MAGI1: variants seen among roughly 807,000 people sequenced by gnomAD.
MAGI1 encodes the protein membrane-associated guanylate kinase, WW and PDZ domain-containing protein 1.
A neutral mutation model predicts 139.9 loss-of-function variants in MAGI1; 58 were observed. That is an observed-to-expected ratio of 0.41 (90% CI 0.34 to 0.52). MAGI1 has a LOEUF of 0.52. MAGI1 is among the 20% of genes least tolerant of loss of function. The pLI is 0.12. For synonymous variants in MAGI1, 812 were observed against 737.9 expected, an observed-to-expected ratio of 1.10 and a Z score of -1.63; for missense variants, 1,874 against 1,901.6, an observed-to-expected ratio of 0.99 and a Z score of 0.27.
Position 65,426,402 on chromosome 3 carries a change from T to TA in MAGI1, c.2167+3117dup, listed in dbSNP as rs562603164. Among the ~76,000 whole-genome samples the TA allele has an allele frequency of 1.0e-3, 152 of 152,168 alleles. 1 individual carries two copies. Among genetic ancestry groups the TA allele is most frequent in the African/African-American group, 3.6e-3 (150 of 41,512 alleles). ...AAAACGAGCTCTAGAGATGAGGAATTAAAATGGGTGCTACAAACATAGCAG... is the reference window on the plus strand; with the variant it reads ...AAAACGAGCTCTAGAGATGAGGAATTAAAAATGGGTGCTACAAACATAGCAG... On this transcript the variant is annotated intron_variant, in intron 12 of 22. Transcript: ENST00000402939.
intron 1 of MAGI1, among the ~76,000 whole-genome samples, chr3:65,981,765 A>AT (rs1408088135): frequency 6.6e-6 from 1 of 151,888 alleles, no homozygotes. Context: ...CTCGGTTCTT[A>AT]TTTTTTCCTT....
chr3:65,515,508 T>G (rs538055811), intron 2 of MAGI1, among the ~76,000 whole-genome samples: 1 of 152,164 alleles, frequency 6.6e-6, no homozygotes, highest in East Asian at 1.9e-4. Context: ...CCATGGAAAA[T>G]ATAAAATTCA....
chr3:65,519,314 A>G (rs894336706), intron 2 of MAGI1, among the ~76,000 whole-genome samples: 7 of 151,088 alleles, frequency 4.6e-5, no homozygotes, highest in Non-Finnish European at 8.8e-5. Flanking sequence ...GAAAGTTTTC[A>G]TCACAGGAGT....
At chr3:65,875,145 A>T (rs1411298620) in intron 1 of MAGI1, 1 of 152,656 alleles carries the variant, frequency 6.6e-6, no homozygotes, top group Non-Finnish European at 1.5e-5. Flanking sequence ...AGCCAGTCAC[A>T]AAAGACCTCA....
At chr3:65,618,346 T>A (rs868811060) in intron 2 of MAGI1, among the ~76,000 whole-genome samples, 2 of 152,126 alleles carry the variant, frequency 1.3e-5, no homozygotes, top group African/African-American at 4.8e-5. Context: ...AAAGATCTAA[T>A]GGAAAATAAG....
intron 1 of MAGI1, among the ~76,000 whole-genome samples, chr3:65,919,505 T>G (rs969678894): frequency 2.6e-5 from 4 of 151,810 alleles, no homozygotes; most frequent in African/African-American, 9.7e-5. Context: ...GAGGCTGTAG[T>G]GAGCTACAGT....
intron 2 of MAGI1, among the ~76,000 whole-genome samples, chr3:65,498,109 C>T (rs1952578864): frequency 6.6e-6 from 1 of 152,096 alleles, no homozygotes; most frequent in Admixed American, 6.5e-5. Context: ...TGGCAGGCTG[C>T]TGGCTGGACA....
At chr3:65,757,149 G>T (rs948326955) in intron 1 of MAGI1, among the ~76,000 whole-genome samples, 2 of 152,108 alleles carry the variant, frequency 1.3e-5, no homozygotes, top group African/African-American at 4.8e-5. Flanking sequence ...AACTTGGAGA[G>T]AAAAATATAT....
chr3:65,931,937 T>C (rs187568031), intron 1 of MAGI1, among the ~76,000 whole-genome samples: 9 of 152,304 alleles, frequency 5.9e-5, no homozygotes, highest in Admixed American at 2.0e-4. Context: ...CTGCTCTCCA[T>C]TGTAATACTA....
intron 12 of MAGI1, among the ~76,000 whole-genome samples, chr3:65,405,640 G>A (rs1945272405): frequency 6.6e-6 from 1 of 151,956 alleles, no homozygotes; most frequent in Non-Finnish European, 1.5e-5. Flanking sequence ...TGTTGCCCAG[G>A]CTGGAGTACA....
intron 18 of MAGI1, among the ~76,000 whole-genome samples, chr3:65,374,779 C>T (rs1202037598): frequency 7.2e-5 from 11 of 152,080 alleles, no homozygotes; most frequent in Non-Finnish European, 8.8e-5. Context: ...TGCCAATGTT[C>T]CCTGGGGGGC....
At chr3:65,486,495 G>A (rs779021251) in intron 3 of MAGI1, among the ~76,000 whole-genome samples, 2 of 152,068 alleles carry the variant, frequency 1.3e-5, no homozygotes, top group Admixed American at 6.6e-5. Flanking sequence ...AAAAAGAAAA[G>A]CAAGGGAAAA....
intron 1 of MAGI1, among the ~76,000 whole-genome samples, chr3:65,961,555 C>A (rs2064423966): frequency 6.6e-6 from 1 of 151,998 alleles, no homozygotes; most frequent in East Asian, 1.9e-4. Flanking sequence ...ATAGAAAGAC[C>A]CTTAAATATG....
chr3:65,802,501 C>A lies in MAGI1; in HGVS notation c.314-180413G>T, dbSNP rs73135060. Among the ~76,000 whole-genome samples the A allele has an allele frequency of 3.2e-4, 48 of 152,090 alleles. No individual in the cohort carries two copies. In the East Asian group the frequency reaches 9.1e-3, roughly 29 times the overall value. On this transcript the variant is annotated intron_variant, in intron 1 of 22. Coordinates refer to ENST00000402939, the MANE Select transcript of MAGI1 (RefSeq NM_001033057.2). ...AGAAATGTCTAGAAAAATAAAAAGT[C>A]CTTTAGAATTACTTCAAGGCCCTCT...
chr3:65,387,352 T>C (rs1374360914), intron 14 of MAGI1: 13 of 639,400 alleles, frequency 2.0e-5, no homozygotes, highest in South Asian at 4.2e-5. Context: ...ATGGCTGTTA[T>C]GTTAAAAGAC....
rs151240198 is a variant in MAGI1, at chr3:65,359,152, G to A, written c.3635-2020C>T. ...TGCAGCGATATTAGGAGGTATCATC[G>A]CTGTGGAAGGGAGGGCCCAGCACCA... On this transcript the variant is annotated intron_variant, in intron 22 of 22. Transcript: ENST00000402939. 5.5e-5 allele frequency: 88 copies of A among 1,613,304 alleles called. 1 individual carries two copies. Among genetic ancestry groups the A allele is most frequent in the South Asian group, 1.4e-4 (13 of 91,032 alleles).
At position 65,356,906 on chromosome 3, in the gene MAGI1, C is replaced by T; in HGVS notation, c.3861G>A (p.Arg1287=). 6.2e-7 allele frequency: 1 copy of T among 1,614,188 alleles called. No homozygotes were observed. Among genetic ancestry groups the T allele is most frequent in the Non-Finnish European group, 8.5e-7 (1 of 1,180,012 alleles). The change falls in exon 23 of 23, where the codon AGG becomes AGA. Residue 1287 remains arginine (R), a synonymous_variant. Transcript: ENST00000402939. ...NEHHTWNGTS[R]KPDSGACRPK... is the part of the protein sequence containing the mutation. Reference sequence around the variant, plus strand: ...GTCGGCATGCCCCGCTGTCGGGTTTCCTCGAAGTCCCATTCCAGGTGTGGT... The same window carrying T: ...GTCGGCATGCCCCGCTGTCGGGTTTTCTCGAAGTCCCATTCCAGGTGTGGT...
intron 18 of MAGI1, chr3:65,371,919 G>C (rs1346538522): frequency 2.2e-6 from 1 of 448,342 alleles, no homozygotes; most frequent in Non-Finnish European, 4.5e-6. Context: ...CCACCACAAA[G>C]GAACTTCTGC....
At chr3:65,448,208 T>C (rs1948792122) in intron 6 of MAGI1, 151 bp from the exon 7 acceptor site, 2 of 730,268 alleles carry the variant, frequency 2.7e-6, no homozygotes, top group African/African-American at 3.5e-5. Context: ...TTCATTGGCT[T>C]GGATAGTAAA....
Sources: allele counts gnomAD v4.1 joint callset (sites outside exome capture counted in the v4.1 genomes callset), GRCh38; gene constraint gnomAD v4.1.1; transcripts MANE v1.5; gene names NCBI Gene and HGNC (gene_info 2026-07-23, HGNC 2026-07-21).